PPP1R14C: variants seen among roughly 807,000 people sequenced by gnomAD.
PPP1R14C encodes the protein protein phosphatase 1 regulatory subunit 14C.
PPP1R14C carries 16 observed loss-of-function variants against 20.4 expected under a neutral mutation model. That is an observed-to-expected ratio of 0.78 (90% CI 0.53 to 1.19). The LOEUF is 1.19. Ranked by LOEUF, PPP1R14C falls within the 50% of genes most tolerant of loss-of-function variation. The probability of loss-of-function intolerance (pLI) is 0.00; values close to 1 mark genes in which losing one functional copy is unlikely to be tolerated. For missense variants in PPP1R14C, 211 were observed against 220.1 expected (o/e 0.96, Z 0.26); for synonymous variants, 91 against 91.0 (o/e 1.00, Z 0.00).
At chr6:150,241,121 C>G (rs1214334617) in intron 3 of PPP1R14C, among the ~76,000 whole-genome samples, 1 of 151,994 alleles carries the variant, frequency 6.6e-6, no homozygotes, top group African/African-American at 2.4e-5. Flanking sequence ...TCAGCCCTAC[C>G]CCCATCCTCC....
At chr6:150,202,972 T>C (rs1412132528) in intron 1 of PPP1R14C, among the ~76,000 whole-genome samples, 1 of 152,252 alleles carries the variant, frequency 6.6e-6, no homozygotes. Flanking sequence ...TCCTTTTTCT[T>C]AACATCTTGC....
intron 1 of PPP1R14C, among the ~76,000 whole-genome samples, 191 bp from the exon 2 acceptor site, chr6:150,214,553 A>C (rs1582922097): frequency 2.1e-4 from 27 of 129,714 alleles, no homozygotes; most frequent in South Asian, 4.9e-4. Context: ...TCTCCTCTTT[A>C]CCCCTTCATC....
At chr6:150,224,576 C>T (rs1385189546) in intron 3 of PPP1R14C, among the ~76,000 whole-genome samples, 1 of 151,738 alleles carries the variant, frequency 6.6e-6, no homozygotes, top group African/African-American at 2.4e-5. Flanking sequence ...CCATCAAAGG[C>T]ATTATTTCTG....
At chr6:150,169,097 G>A (rs760588531) in intron 1 of PPP1R14C, among the ~76,000 whole-genome samples, 2 of 152,148 alleles carry the variant, frequency 1.3e-5, no homozygotes, top group Admixed American at 6.5e-5. Context: ...GGGTGGTCTC[G>A]AACTCCTGAG....
chr6:150,243,158 G>A (rs1210635842), intron 3 of PPP1R14C, among the ~76,000 whole-genome samples: 1 of 150,566 alleles, frequency 6.6e-6, no homozygotes, highest in South Asian at 2.1e-4. Context: ...AAATTTACAA[G>A]CTGATTCTAA....
intron 1 of PPP1R14C, among the ~76,000 whole-genome samples, chr6:150,196,580 C>T (rs1468427582): frequency 6.6e-6 from 1 of 152,112 alleles, no homozygotes; most frequent in Non-Finnish European, 1.5e-5. Context: ...CATTTAACAC[C>T]TCTTTCTGGG....
At chr6:150,161,739 A>T (rs545682574) in intron 1 of PPP1R14C, among the ~76,000 whole-genome samples, 1 of 152,346 alleles carries the variant, frequency 6.6e-6, no homozygotes, top group South Asian at 2.1e-4. Flanking sequence ...AACAGACTCT[A>T]CTTATTTCTA....
rs146050881 is a variant in PPP1R14C at position 150,248,958 on chromosome 6, TG to T, written c.*145del. 5.1e-3 allele frequency: 2,607 copies of T among 511,678 alleles called. 54 individuals carry two copies. The highest frequency in any genetic ancestry group is 0.047 in the African/African-American group (2,378 of 50,142). The allele number at this position is 511,678 out of a possible 1,614,324, so 31.7% of individuals were successfully genotyped here. ...TTTTTTTTCTTTTTTGGTGTGAAGG[TG>T]GGGGGGTCTATTAGACATTTATTCA... On this transcript the variant is annotated 3_prime_UTR_variant, in exon 4 of 4. Transcript: ENST00000361131.
chr6:150,168,487 A>T (rs930720982), intron 1 of PPP1R14C, among the ~76,000 whole-genome samples: 1 of 151,906 alleles, frequency 6.6e-6, no homozygotes, highest in Non-Finnish European at 1.5e-5. Context: ...GAGCCGAGAT[A>T]GCGCCACTAC....
intron 3 of PPP1R14C, among the ~76,000 whole-genome samples, chr6:150,237,499 G>C: frequency 6.6e-6 from 1 of 152,056 alleles, no homozygotes; most frequent in East Asian, 1.9e-4. Context: ...CACCATGCCT[G>C]GCCCAGAGTA....
intron 1 of PPP1R14C, among the ~76,000 whole-genome samples, chr6:150,206,644 C>G (rs893731518): frequency 2.6e-5 from 4 of 152,146 alleles, no homozygotes; most frequent in African/African-American, 9.7e-5. Flanking sequence ...TGAGGATGGT[C>G]CCTGCCGGGA....
At chr6:150,157,597 G>T (rs1399009705) in intron 1 of PPP1R14C, among the ~76,000 whole-genome samples, 1 of 151,218 alleles carries the variant, frequency 6.6e-6, no homozygotes, top group Non-Finnish European at 1.5e-5. Context: ...TCTGGAGGCT[G>T]GGGAGTCCCA....
chr6:150,209,651 CAT>C (rs1417820158), intron 1 of PPP1R14C, among the ~76,000 whole-genome samples: 1 of 139,162 alleles, frequency 7.2e-6, no homozygotes, highest in East Asian at 2.1e-4. Context: ...TGTATTCATC[CAT>C]GTGTGTATTC....
intron 1 of PPP1R14C, among the ~76,000 whole-genome samples, chr6:150,205,166 A>C (rs868341374): frequency 6.6e-6 from 1 of 151,968 alleles, no homozygotes; most frequent in Non-Finnish European, 1.5e-5. Flanking sequence ...TGGGAAAGAG[A>C]AACCTGCCTG....
At chr6:150,215,263 C>T (rs1345913650) in intron 2 of PPP1R14C, among the ~76,000 whole-genome samples, 2 of 152,194 alleles carry the variant, frequency 1.3e-5, no homozygotes, top group Admixed American at 1.3e-4. Context: ...TTGCTTATGA[C>T]ATAATTCTAT....
intron 1 of PPP1R14C, among the ~76,000 whole-genome samples, chr6:150,182,200 G>A (rs1189284472): frequency 2.0e-5 from 3 of 152,200 alleles, no homozygotes; most frequent in Non-Finnish European, 2.9e-5. Flanking sequence ...CATGCACTCT[G>A]TATCCAGACC....
chr6:150,196,938 C>T (rs1246853092), intron 1 of PPP1R14C, among the ~76,000 whole-genome samples: 1 of 152,174 alleles, frequency 6.6e-6, no homozygotes, highest in Non-Finnish European at 1.5e-5. Context: ...GAAAATCTAG[C>T]CTAATCAGTG....
chr6:150,205,657 G>A (rs1274205878), intron 1 of PPP1R14C, among the ~76,000 whole-genome samples: 1 of 151,896 alleles, frequency 6.6e-6, no homozygotes, highest in Admixed American at 6.6e-5. Flanking sequence ...GCTGGGTGTG[G>A]TGGCAGGCAC....
chr6:150,179,825 G>A (rs1398113428), intron 1 of PPP1R14C, among the ~76,000 whole-genome samples: 3 of 152,196 alleles, frequency 2.0e-5, no homozygotes, highest in African/African-American at 4.8e-5. Flanking sequence ...TCTTAGGCAA[G>A]TTACTTAGAC....
Sources: gnomAD v4.1 joint callset for allele counts (sites outside exome capture counted in the v4.1 genomes callset) on GRCh38, gnomAD v4.1.1 for gene constraint, MANE v1.5 for transcripts, NCBI Gene and HGNC (gene_info 2026-07-23, HGNC 2026-07-21) for gene names.